KDM2A: variants seen among roughly 807,000 people sequenced by gnomAD.
KDM2A encodes the protein lysine-specific demethylase 2A.
A neutral mutation model predicts 137.3 loss-of-function variants in KDM2A; 3 were observed. The ratio of observed to expected loss-of-function variants is 0.02; its 90% CI spans 0.01 to 0.06. The LOEUF is 0.06. Among genes scored for constraint, KDM2A ranks in the 10% least tolerant of loss-of-function variants. The pLI is 1.00. For synonymous variants in KDM2A, 512 were observed against 541.5 expected (o/e 0.95, Z 0.76); for missense variants, 738 against 1,510.6 (o/e 0.49, Z 8.48).
intron 6 of KDM2A, among the ~76,000 whole-genome samples, chr11:67,208,486 T>C (rs1186420065): frequency 6.6e-6 from 1 of 151,480 alleles, no homozygotes; most frequent in African/African-American, 2.4e-5. Flanking sequence ...AATTCAACCT[T>C]GGGGCCAGGC....
chr11:67,192,433 C>CTTTTTTT lies in KDM2A; in HGVS notation c.307+10563_307+10569dup, dbSNP rs921321640. 4.3e-3 allele frequency among the ~76,000 whole-genome samples: 306 copies of CTTTTTTT among 70,574 alleles called. 7 individuals are homozygous for CTTTTTTT. Among genetic ancestry groups the CTTTTTTT allele is most frequent in the Middle Eastern group, 0.019 (2 of 104 alleles). The allele number at this position is 70,574 out of a possible 152,430, so 46.3% of individuals were successfully genotyped here. A position where few individuals can be genotyped will look rare whatever the true frequency, so the allele number is the denominator to read the frequency against. Reference sequence around the variant, plus strand: ...ATGGACATTTACTTTGTTTCCATTTCTTTTTTTTTTTTTTTTTTTTTTTTT... The same window carrying CTTTTTTT: ...ATGGACATTTACTTTGTTTCCATTTCTTTTTTTTTTTTTTTTTTTTTTTTTTTTTTTT... On this transcript the variant is annotated intron_variant, in intron 5 of 20. Coordinates refer to ENST00000529006, the MANE Select transcript of KDM2A (RefSeq NM_012308.3).
At chr11:67,178,198 G>A (rs1857012498) in intron 2 of KDM2A, among the ~76,000 whole-genome samples, 2 of 152,100 alleles carry the variant, frequency 1.3e-5, no homozygotes, top group South Asian at 2.1e-4. Flanking sequence ...TTGAGCACAG[G>A]AGTTCGAGAC....
chr11:67,254,843 A>C lies in KDM2A; in HGVS notation c.3308-31A>C. ...GGCAGAGGAAAGCTGTGTGTATGTG[A>C]GCACTGTCATTATGTCCACTTTCCC... On this transcript the variant is annotated intron_variant, in intron 20 of 20. Coordinates refer to ENST00000529006, the MANE Select transcript of KDM2A (RefSeq NM_012308.3). The surrounding 1 kb of genome is among the most constrained non-coding windows in gnomAD (Gnocchi z 4.7). 1 of 1,594,882 alleles carries C rather than the reference A, an allele frequency of 6.3e-7. No individual in the cohort carries two copies. The highest frequency in any genetic ancestry group is 1.1e-5 in the South Asian group (1 of 90,504).
intron 2 of KDM2A, among the ~76,000 whole-genome samples, chr11:67,151,332 A>G (rs978734576): frequency 4.6e-5 from 7 of 152,030 alleles, no homozygotes; most frequent in Non-Finnish European, 8.8e-5. Flanking sequence ...GGTGTAAACT[A>G]TACACACCAC....
Position 67,230,123 on chromosome 11 carries a change from C to G in KDM2A, c.1085-1443C>G, listed in dbSNP as rs141526438. Among the ~76,000 whole-genome samples the G allele has an allele frequency of 4.7e-3, 712 of 151,586 alleles. 2 individuals carry two copies. The highest frequency in any genetic ancestry group is 7.9e-3 in the Non-Finnish European group (540 of 67,926). On this transcript the variant is annotated intron_variant, in intron 11 of 20. Transcript: ENST00000529006. ...CCCAGAAGGTGGAGCTTGCAGTGAG[C>G]TGAGATGGCACCACTGCACTCCAGC...
intron 5 of KDM2A, among the ~76,000 whole-genome samples, chr11:67,192,479 TTG>T (rs1241824663): frequency 0.034 from 4,359 of 129,352 alleles, 683 homozygotes; most frequent in African/African-American, 0.16. Context: ...AGCATCTCTC[TTG>T]GTGCCCTGAC....
Position 67,250,812 on chromosome 11 carries a change from C to G in KDM2A, c.2768+14C>G. On this transcript the variant is annotated intron_variant, in intron 17 of 20. Coordinates refer to ENST00000529006, the MANE Select transcript of KDM2A (RefSeq NM_012308.3). This position sits in a 1 kb window ranked among gnomAD's most constrained non-coding sequence, Gnocchi z 7.1. ...GTGGTATAAATGGTGAGCAGGGATT[C>G]AGGGGGTCAGGAATTAGGGGTATGG... is the stretch of plus-strand genomic sequence containing the variant. 6.6e-7 allele frequency: 1 copy of G among 1,511,932 alleles called. No individual in the cohort carries two copies. The highest frequency in any genetic ancestry group is 8.9e-7 in the Non-Finnish European group (1 of 1,127,250). The allele number at this position is 1,511,932 out of a possible 1,614,324, so 93.7% of individuals were successfully genotyped here.
Position 67,250,146 on chromosome 11 carries a change from C to A in KDM2A, c.2116C>A (p.Arg706=), listed in dbSNP as rs866607391. 4 of 1,612,774 alleles carry A rather than the reference C, an allele frequency of 2.5e-6. No homozygotes were observed. In the Admixed American group the frequency reaches 6.7e-5, roughly 27 times the overall value. Residue 706 remains arginine (R), a synonymous_variant, in exon 17 of 21, where the codon CGG becomes AGG. Coordinates refer to ENST00000529006, the MANE Select transcript of KDM2A (RefSeq NM_012308.3). This position sits in a 1 kb window ranked among gnomAD's most constrained non-coding sequence, Gnocchi z 7.1. ...GCAAGCCAAAGTCCTGCGGCCCCTG[C>A]GGAGCTGCGATGAGCCTCTCACGCC... The part of the protein sequence containing the change: ...AVQAKVLRPL[R]SCDEPLTPPP...
chr11:67,181,483 C>A, intron 4 of KDM2A, 85 bp downstream of exon 4: 3 of 796,178 alleles, frequency 3.8e-6, no homozygotes, highest in South Asian at 1.8e-5. Flanking sequence ...ATTGATAACC[C>A]AAAACAATAG....
intron 2 of KDM2A, among the ~76,000 whole-genome samples, chr11:67,131,577 A>C (rs1855856149): frequency 6.6e-6 from 1 of 151,260 alleles, no homozygotes; most frequent in African/African-American, 2.4e-5. Flanking sequence ...ACGCCTGGCT[A>C]ATTTTTGTAT....
At chr11:67,168,592 C>A (rs71462368) in intron 2 of KDM2A, among the ~76,000 whole-genome samples, 3 of 35,968 alleles carry the variant, frequency 8.3e-5, no homozygotes, top group African/African-American at 7.8e-4. Context: ...TACACACACA[C>A]ACACACACAC....
At chr11:67,210,230 GTCCCCCATGTAGTCCCAGC>G (rs1565405618) in intron 6 of KDM2A, among the ~76,000 whole-genome samples, 1 of 151,522 alleles carries the variant, frequency 6.6e-6, no homozygotes, top group African/African-American at 2.4e-5. Flanking sequence ...GCATGATGGC[GTCCCCCATGTAGTCCCAGC>G]TACTCAGGGG....
intron 10 of KDM2A, among the ~76,000 whole-genome samples, chr11:67,220,501 G>GAA (rs1858313009): frequency 6.6e-6 from 1 of 152,096 alleles, no homozygotes; most frequent in African/African-American, 2.4e-5. Context: ...TTATATAAAT[G>GAA]TATATACTGT....
At chr11:67,217,386 A>G (rs891524001) in intron 8 of KDM2A, among the ~76,000 whole-genome samples, 5 of 152,142 alleles carry the variant, frequency 3.3e-5, no homozygotes, top group African/African-American at 1.2e-4. Context: ...TCTCTTGAAG[A>G]TACTGTGCCT....
At position 67,254,273 on chromosome 11, in the gene KDM2A, C is replaced by T. The variant is rs764265658; in HGVS notation, c.3162C>T (p.Ala1054=). 1 of 1,613,942 alleles carries T rather than the reference C, an allele frequency of 6.2e-7. No homozygotes were observed. Among genetic ancestry groups the T allele is most frequent in the African/African-American group, 1.3e-5 (1 of 74,946 alleles). Residue 1054 remains alanine (A), a synonymous_variant, in exon 20 of 21, where the codon GCC becomes GCT. Transcript: ENST00000529006. This position sits in a 1 kb window ranked among gnomAD's most constrained non-coding sequence, Gnocchi z 4.7. ...TGGCAGGCCTTGACATCACAGATGC[C>T]ACGCTTCGCCTCATAATTCGCCACA... ...FRLAGLDITD[A]TLRLIIRHMP...
At chr11:67,152,428 G>A (rs143645264) in intron 2 of KDM2A, among the ~76,000 whole-genome samples, 107 of 151,816 alleles carry the variant, frequency 7.0e-4, no homozygotes, top group African/African-American at 2.4e-3. Flanking sequence ...CAGAGCAAGA[G>A]ACCTCATCTC....
chr11:67,215,009 A>G (rs189133845), intron 6 of KDM2A, among the ~76,000 whole-genome samples: 107 of 152,204 alleles, frequency 7.0e-4, no homozygotes, highest in African/African-American at 2.4e-3. Flanking sequence ...CTTTTATTGG[A>G]TTAAAAAATA....
intron 2 of KDM2A, among the ~76,000 whole-genome samples, chr11:67,166,330 A>G (rs1453752201): frequency 6.6e-6 from 1 of 151,668 alleles, no homozygotes; most frequent in African/African-American, 2.4e-5. Flanking sequence ...GACTATAGGC[A>G]CATGCCATCA....
rs117322901 is a variant in KDM2A, at chr11:67,245,135, T to A, written c.1564-54T>A. On this transcript the variant is annotated intron_variant, in intron 13 of 20. Coordinates refer to ENST00000529006, the MANE Select transcript of KDM2A (RefSeq NM_012308.3). This position sits in a 1 kb window ranked among gnomAD's most constrained non-coding sequence, Gnocchi z 4.1. ...TATGCTACCATGTAATCTTCTACCC[T>A]ATCCAGTCTTAAAGCAACCTGATAT... 0.015 allele frequency: 24,061 copies of A among 1,586,370 alleles called. 243 individuals are homozygous for A. The highest frequency in any genetic ancestry group is 0.016 in the Non-Finnish European group (19,000 of 1,165,354).
Sources: gnomAD v4.1 joint callset for allele counts (sites outside exome capture counted in the v4.1 genomes callset) on GRCh38, gnomAD v4.1.1 for gene constraint, Gnocchi (gnomAD v3.1) non-coding constraint, MANE v1.5 for transcripts, NCBI Gene and HGNC (gene_info 2026-07-23, HGNC 2026-07-21) for gene names.